Variants in ECE1 observed in about 807,000 individuals in gnomAD.
ECE1 encodes the protein endothelin converting enzyme 1.
Under a neutral mutation model 98.6 loss-of-function variants are expected in ECE1, and 35 were observed. The ratio of observed to expected loss-of-function variants is 0.35; its 90% CI spans 0.27 to 0.47. ECE1 has a LOEUF of 0.47. Ranked by LOEUF, ECE1 falls within the 20% of genes least tolerant of loss-of-function variation. The pLI is 1.00. For synonymous variants in ECE1, 394 were observed against 407.1 expected (o/e 0.97, Z 0.39); for missense variants, 814 against 1,025.3 (o/e 0.79, Z 2.81).
chr1:21,241,424 T>G (rs1484752457), intron 10 of ECE1, among the ~76,000 whole-genome samples: 1 of 91,168 alleles, frequency 1.1e-5, no homozygotes, highest in Non-Finnish European at 2.1e-5. Context: ...GGTTGAGGTG[T>G]TTTTTTTTTT....
intron 1 of ECE1, among the ~76,000 whole-genome samples, chr1:21,341,408 A>T (rs1639396019): frequency 1.3e-5 from 2 of 152,250 alleles, no homozygotes; most frequent in Admixed American, 1.3e-4. Flanking sequence ...GCAGAAGCAC[A>T]AAAAATTGTA....
chr1:21,333,865 A>G (rs1216470670), intron 1 of ECE1, among the ~76,000 whole-genome samples: 1 of 152,194 alleles, frequency 6.6e-6, no homozygotes, highest in Non-Finnish European at 1.5e-5. Context: ...CCACAAAGGT[A>G]ATAACAGCTC....
In ECE1 at chr1:21,338,173, G is replaced by A. The variant is rs150928975; in HGVS notation, c.3+7203C>T. On this transcript the variant is annotated intron_variant, in intron 1 of 18. Transcript: ENST00000415912. ...GGCCAGGCAGCTGGGGGTGTGTGTG[G>A]TATTGACCAAGGAGCTTTCTCAACC... Among the ~76,000 whole-genome samples the A allele has an allele frequency of 1.9e-3, 292 of 152,274 alleles. 1 individual carries two copies. The highest frequency in any genetic ancestry group is 6.8e-3 in the African/African-American group (283 of 41,550).
chr1:21,301,607 A>G (rs968834018), intron 1 of ECE1, among the ~76,000 whole-genome samples: 1 of 152,054 alleles, frequency 6.6e-6, no homozygotes, highest in Admixed American at 6.5e-5. Flanking sequence ...CTTTGAGCTC[A>G]GGAGAGAGCA....
intron 1 of ECE1, among the ~76,000 whole-genome samples, chr1:21,318,786 T>G (rs557402632): frequency 3.4e-4 from 52 of 152,134 alleles, no homozygotes; most frequent in African/African-American, 1.1e-3. Context: ...CCCCAGGCAG[T>G]GTGCCAAAAA....
intron 4 of ECE1, among the ~76,000 whole-genome samples, chr1:21,262,394 C>G (rs1309938062): frequency 6.6e-6 from 1 of 152,154 alleles, no homozygotes; most frequent in African/African-American, 2.4e-5. Context: ...AAGGGGAGTG[C>G]CTCGCCCCTC....
intron 4 of ECE1, among the ~76,000 whole-genome samples, chr1:21,265,214 G>A (rs1326897940): frequency 1.3e-5 from 2 of 152,184 alleles, no homozygotes; most frequent in South Asian, 2.1e-4. Flanking sequence ...ACAGAGAAAC[G>A]TAGCACTCTA....
chr1:21,250,341 G>C (rs1253353704), intron 8 of ECE1, among the ~76,000 whole-genome samples: 1 of 152,108 alleles, frequency 6.6e-6, no homozygotes, highest in Non-Finnish European at 1.5e-5. Flanking sequence ...GCTATTTTTA[G>C]TGTGCGATTT....
intron 1 of ECE1, among the ~76,000 whole-genome samples, chr1:21,313,563 A>G (rs2796361): frequency 0.051 from 7,756 of 151,788 alleles, 686 homozygotes; most frequent in African/African-American, 0.18. Context: ...TGCAGGTGGG[A>G]GTGGGGGAGC....
intron 2 of ECE1, among the ~76,000 whole-genome samples, chr1:21,283,874 G>A (rs547684147): frequency 4.1e-4 from 63 of 152,332 alleles, no homozygotes; most frequent in African/African-American, 1.5e-3. Context: ...TTTAACCTTT[G>A]TCTTGTTCTT....
chr1:21,339,769 C>A (rs1639367276), intron 1 of ECE1, among the ~76,000 whole-genome samples: 1 of 152,208 alleles, frequency 6.6e-6, no homozygotes, highest in Admixed American at 6.5e-5. Context: ...AACTTGCTCC[C>A]CTGTTTACAC....
At chr1:21,249,782 A>G (rs2098209833) in intron 8 of ECE1, among the ~76,000 whole-genome samples, 1 of 151,680 alleles carries the variant, frequency 6.6e-6, no homozygotes, top group Non-Finnish European at 1.5e-5. Flanking sequence ...TAAATTATTT[A>G]TTTTGTTTTG....
chr1:21,313,674 ACT>A lies in ECE1; in HGVS notation c.4-23520_4-23519del, dbSNP rs1445854303. On this transcript the variant is annotated intron_variant, in intron 1 of 18. Coordinates refer to the ECE1 transcript ENST00000415912. ...TCTGGAACAGACAGACCTCAGCTGG[ACT>A]CTCTGTAATTTACTGCTGTGTGACC... Among the ~76,000 whole-genome samples, 8 of 151,996 alleles carry A rather than the reference ACT, an allele frequency of 5.3e-5. No homozygotes were observed. The East Asian group carries it at 5.8e-4, about 11-fold the overall frequency.
intron 14 of ECE1, among the ~76,000 whole-genome samples, chr1:21,231,848 A>G (rs1291462922): frequency 1.3e-5 from 2 of 152,188 alleles, no homozygotes; most frequent in African/African-American, 4.8e-5. Context: ...TTCTGAGCTC[A>G]AGAGATCCTC....
chr1:21,291,363 C>T (rs1302139638), upstream of ECE1, among the ~76,000 whole-genome samples: 1 of 152,196 alleles, frequency 6.6e-6, no homozygotes, highest in Non-Finnish European at 1.5e-5. Context: ...CTGCTCATTC[C>T]AAATTTGATT....
rs1226493102 is a variant in ECE1, at chr1:21,319,113, G to C, written c.3+26263C>G. On this transcript the variant is annotated intron_variant, in intron 1 of 18. Coordinates refer to the ECE1 transcript ENST00000415912. The surrounding 1 kb of genome is among the most constrained non-coding windows in gnomAD (Gnocchi z 4.4). Reference sequence around the variant, plus strand: ...TAATCCAAGCACTTTGGGAAGCCAAGGTGGGTGGATTGCCTGAGCTTAGGA... The same window carrying C: ...TAATCCAAGCACTTTGGGAAGCCAACGTGGGTGGATTGCCTGAGCTTAGGA... Among the ~76,000 whole-genome samples the C allele has an allele frequency of 6.6e-6, 1 of 152,182 alleles. No homozygotes were observed. Among genetic ancestry groups the C allele is most frequent in the African/African-American group, 2.4e-5 (1 of 41,444 alleles).
intron 14 of ECE1, among the ~76,000 whole-genome samples, chr1:21,230,315 C>G (rs1021331981): frequency 6.6e-6 from 1 of 152,098 alleles, no homozygotes; most frequent in Non-Finnish European, 1.5e-5. Flanking sequence ...GCACAAGTAC[C>G]AGAAAAGACT....
intron 1 of ECE1, among the ~76,000 whole-genome samples, chr1:21,342,607 T>TACACACACACAC (rs71014187): frequency 4.4e-4 from 61 of 139,824 alleles, no homozygotes; most frequent in African/African-American, 1.4e-3. Context: ...CACACACAGA[T>TACACACACACAC]ACACACACAC....
chr1:21,302,082 T>C (rs1010859037), intron 1 of ECE1, among the ~76,000 whole-genome samples: 5 of 152,296 alleles, frequency 3.3e-5, no homozygotes, highest in South Asian at 2.1e-4. Flanking sequence ...CAAAACTGCA[T>C]GGCATTCTAG....
Sources: allele counts gnomAD v4.1 joint callset (sites outside exome capture counted in the v4.1 genomes callset), GRCh38; gene constraint gnomAD v4.1.1; non-coding constraint Gnocchi (gnomAD v3.1); transcripts MANE v1.5; gene names NCBI Gene and HGNC (gene_info 2026-07-23, HGNC 2026-07-21).